DNM3: variants seen among roughly 807,000 people sequenced by gnomAD.
DNM3 encodes dynamin 3.
DNM3 carries 47 observed loss-of-function variants against 101.6 expected under a neutral mutation model. The ratio of observed to expected loss-of-function variants is 0.46; its 90% CI spans 0.37 to 0.59. The LOEUF is 0.59. Ranked by LOEUF, DNM3 falls within the 20% of genes least tolerant of loss-of-function variation. The probability of loss-of-function intolerance (pLI) is 0.00; values close to 1 mark genes in which losing one functional copy is unlikely to be tolerated. For synonymous variants in DNM3, 385 were observed against 387.9 expected, an observed-to-expected ratio of 0.99 and a Z score of 0.09; for missense variants, 849 against 1,085.7, an observed-to-expected ratio of 0.78 and a Z score of 3.06.
At chr1:172,032,984 C>CA (rs1191470809) in intron 5 of DNM3, 121 bp from the exon 6 acceptor site, 13 of 1,183,830 alleles carry the variant, frequency 1.1e-5, no homozygotes, top group African/African-American at 1.6e-5. Flanking sequence ...TAAAGGAACT[C>CA]AGTCTTCAGG....
intron 15 of DNM3, among the ~76,000 whole-genome samples, chr1:172,305,950 C>T (rs1047003899): frequency 2.6e-5 from 4 of 152,196 alleles, no homozygotes; most frequent in Admixed American, 1.3e-4. Context: ...AAACTGGAAG[C>T]GTTCCCTTTG....
intron 2 of DNM3, among the ~76,000 whole-genome samples, chr1:171,935,399 G>T (rs2041329193): frequency 6.6e-6 from 1 of 152,116 alleles, no homozygotes. Flanking sequence ...GAAAATCATG[G>T]CTTCTTTTTT....
At chr1:171,941,389 T>C (rs2041803897) in intron 2 of DNM3, among the ~76,000 whole-genome samples, 1 of 152,206 alleles carries the variant, frequency 6.6e-6, no homozygotes, top group South Asian at 2.1e-4. Flanking sequence ...TCCTGGATAC[T>C]ATAATAGCAG....
At chr1:172,132,797 C>T (rs925722546) in intron 14 of DNM3, 3 of 690,860 alleles carry the variant, frequency 4.3e-6, no homozygotes, top group African/African-American at 3.6e-5. Context: ...GCCTTAACTA[C>T]TACTATCCCT....
intron 1 of DNM3, among the ~76,000 whole-genome samples, chr1:171,862,426 T>A (rs572823911): frequency 7.9e-5 from 12 of 152,280 alleles, no homozygotes; most frequent in Non-Finnish European, 1.5e-4. Flanking sequence ...AATTAAGTAC[T>A]GATACAGGCA....
In DNM3 at chr1:172,199,741, T is replaced by C. The variant is rs559128516; in HGVS notation, c.1660-53832T>C. ...ATTGCTATCCCTGCTTTTGCCTGTT[T>C]TCCATTTGTTTGGTAGATTTTCCTC... is the stretch of plus-strand genomic sequence containing the variant. On this transcript the variant is annotated intron_variant, in intron 14 of 20. Transcript: ENST00000627582. Among the ~76,000 whole-genome samples the C allele has an allele frequency of 2.0e-5, 3 of 152,304 alleles. 1 individual carries two copies. Among genetic ancestry groups the C allele is most frequent in the African/African-American group, 7.2e-5 (3 of 41,584 alleles).
intron 1 of DNM3, among the ~76,000 whole-genome samples, chr1:171,859,655 G>A (rs936460960): frequency 5.3e-5 from 8 of 152,082 alleles, no homozygotes; most frequent in African/African-American, 1.7e-4. Context: ...TGTCATTTTG[G>A]AGCTTGCAGT....
At chr1:172,185,867 C>G (rs1558692676) in intron 14 of DNM3, among the ~76,000 whole-genome samples, 2 of 151,998 alleles carry the variant, frequency 1.3e-5, no homozygotes, top group Non-Finnish European at 2.9e-5. Flanking sequence ...GTCTTAGGAG[C>G]CACATTTTGA....
At chr1:172,076,675 C>A (rs1432101310) in intron 11 of DNM3, among the ~76,000 whole-genome samples, 1 of 152,154 alleles carries the variant, frequency 6.6e-6, no homozygotes, top group Non-Finnish European at 1.5e-5. Flanking sequence ...CCGACTTGAT[C>A]ATGGTGGAGA....
At chr1:172,180,155 T>C (rs904013163) in intron 14 of DNM3, among the ~76,000 whole-genome samples, 3 of 152,116 alleles carry the variant, frequency 2.0e-5, no homozygotes, top group Non-Finnish European at 2.9e-5. Flanking sequence ...TATACTATCA[T>C]GATTCAGTTA....
At chr1:171,849,205 A>G (rs2032606323) in intron 1 of DNM3, among the ~76,000 whole-genome samples, 1 of 152,168 alleles carries the variant, frequency 6.6e-6, no homozygotes, top group African/African-American at 2.4e-5. Context: ...TTTGAAGAGG[A>G]GTCATCACAG....
chr1:171,864,298 G>T (rs966264014), intron 1 of DNM3: 1 of 152,182 alleles, frequency 6.6e-6, no homozygotes, highest in African/African-American at 2.4e-5. Flanking sequence ...CAAAAGGTAC[G>T]TTTCCTGGTT....
intron 17 of DNM3, among the ~76,000 whole-genome samples, chr1:172,324,791 A>G (rs968597866): frequency 1.3e-5 from 2 of 151,520 alleles, no homozygotes; most frequent in Non-Finnish European, 2.9e-5. Context: ...GAGTCTCTGT[A>G]TGAAATTTCT....
chr1:171,986,183 A>G (rs1347959398), intron 2 of DNM3, among the ~76,000 whole-genome samples: 1 of 151,918 alleles, frequency 6.6e-6, no homozygotes, highest in Non-Finnish European at 1.5e-5. Context: ...AATCCTCCCT[A>G]CTGTTCAGTA....
chr1:171,889,093 C>T (rs2037031249), intron 1 of DNM3, among the ~76,000 whole-genome samples: 1 of 152,142 alleles, frequency 6.6e-6, no homozygotes, highest in Non-Finnish European at 1.5e-5. Context: ...GATCCTCTCA[C>T]CTCAGCCTCC....
chr1:171,999,560 A>G (rs564373385), intron 4 of DNM3, among the ~76,000 whole-genome samples: 69 of 152,246 alleles, frequency 4.5e-4, no homozygotes, highest in African/African-American at 1.6e-3. Flanking sequence ...TTATCAGTCT[A>G]TAGTGGTATA....
At chr1:172,280,283 G>A (rs1229962491) in intron 15 of DNM3, among the ~76,000 whole-genome samples, 2 of 151,844 alleles carry the variant, frequency 1.3e-5, no homozygotes, top group Non-Finnish European at 2.9e-5. Flanking sequence ...GCTCTATTTT[G>A]TTCATGACAC....
chr1:172,219,805 C>G (rs2060842031), intron 14 of DNM3, among the ~76,000 whole-genome samples: 1 of 152,082 alleles, frequency 6.6e-6, no homozygotes, highest in Non-Finnish European at 1.5e-5. Context: ...AAACAAGAAG[C>G]TATTTGGATA....
chr1:172,099,625 A>C (rs1319836155), intron 13 of DNM3, among the ~76,000 whole-genome samples: 1 of 152,188 alleles, frequency 6.6e-6, no homozygotes, highest in East Asian at 1.9e-4. Context: ...GGAAATGGGC[A>C]AACCAGGGAA....
Sources: allele counts gnomAD v4.1 joint callset (sites outside exome capture counted in the v4.1 genomes callset), GRCh38; gene constraint gnomAD v4.1.1; transcripts MANE v1.5; gene names NCBI Gene and HGNC (gene_info 2026-07-23, HGNC 2026-07-21).